Variants in COPG2 observed in about 807,000 individuals in gnomAD.
COPG2 encodes coatomer subunit gamma-2.
A neutral mutation model predicts 46.3 loss-of-function variants in COPG2; 37 were observed. That is an observed-to-expected ratio of 0.80 (90% CI 0.61 to 1.05). The LOEUF is 1.05. Ranked by LOEUF, COPG2 falls within the 50% of genes least tolerant of loss-of-function variation. COPG2 has a pLI of 0.00. For synonymous variants in COPG2, 159 were observed against 129.7 expected (o/e 1.23, Z -1.53); for missense variants, 427 against 387.8 (o/e 1.10, Z -0.85).
At chr7:130,662,832 T>C in intron 4 of COPG2, 135 bp downstream of exon 4, 1 of 643,414 alleles carries the variant, frequency 1.6e-6, no homozygotes, top group Non-Finnish European at 2.7e-6. Flanking sequence ...ATAATGAATA[T>C]TTATAAGTTT....
intron 3 of COPG2, among the ~76,000 whole-genome samples, chr7:130,665,319 A>G (rs781992078): frequency 9.2e-5 from 14 of 152,216 alleles, no homozygotes; most frequent in Non-Finnish European, 2.1e-4. Context: ...ATTGGAAACC[A>G]TGGTTATCTT....
intron 20 of COPG2, among the ~76,000 whole-genome samples, chr7:130,515,324 AAGAT>A (rs1799670134): frequency 6.6e-6 from 1 of 152,094 alleles, no homozygotes; most frequent in Non-Finnish European, 1.5e-5. Context: ...TCACAGGAGA[AAGAT>A]AGAGAGTGGG....
chr7:130,603,519 AG>A (rs1370233265), intron 9 of COPG2, among the ~76,000 whole-genome samples: 2 of 152,102 alleles, frequency 1.3e-5, no homozygotes, highest in African/African-American at 4.8e-5. Context: ...CAGAAGTTCA[AG>A]ACCAGCCTGG....
At chr7:130,566,563 G>A (rs1793806453) in intron 9 of COPG2, among the ~76,000 whole-genome samples, 1 of 152,210 alleles carries the variant, frequency 6.6e-6, no homozygotes, top group South Asian at 2.1e-4. Context: ...CTACAGCAAT[G>A]CAGGTTTTAT....
rs987221400 is a variant in COPG2, at chr7:130,510,834, C to G, written c.2150-2175G>C. 1.0e-5 allele frequency: 5 copies of G among 486,578 alleles called. No homozygotes were observed. The Admixed American group carries it at 1.1e-4, about 10-fold the overall frequency. The allele number at this position is 486,578 out of a possible 1,614,324, so 30.1% of individuals were successfully genotyped here. A position where few individuals can be genotyped will look rare whatever the true frequency, so the allele number is the denominator to read the frequency against. Reference sequence around the variant, plus strand: ...TGCTGGAGAGGATGACGAAATGGGGCGAGGAGGCAAGATGCGGGGGCCTTT... The same window carrying G: ...TGCTGGAGAGGATGACGAAATGGGGGGAGGAGGCAAGATGCGGGGGCCTTT... On this transcript the variant is annotated intron_variant, in intron 20 of 23. Coordinates refer to ENST00000425248, the MANE Select transcript of COPG2 (RefSeq NM_012133.6).
intron 9 of COPG2, among the ~76,000 whole-genome samples, chr7:130,573,949 T>G (rs1432656661): frequency 6.6e-6 from 1 of 152,142 alleles, no homozygotes; most frequent in Admixed American, 6.5e-5. Context: ...CTTTAAAAGT[T>G]AAACATAAAC....
At chr7:130,516,600 T>A in intron 20 of COPG2, among the ~76,000 whole-genome samples, 1 of 151,962 alleles carries the variant, frequency 6.6e-6, no homozygotes, top group Non-Finnish European at 1.5e-5. Context: ...AGAGAACGTG[T>A]GAATGAGGTA....
At chr7:130,583,989 A>G (rs1208475096) in intron 9 of COPG2, among the ~76,000 whole-genome samples, 2 of 151,662 alleles carry the variant, frequency 1.3e-5, no homozygotes, top group African/African-American at 4.8e-5. Flanking sequence ...TAATACCAAA[A>G]CCATGAAAGG....
intron 5 of COPG2, among the ~76,000 whole-genome samples, chr7:130,628,021 G>A (rs1430496132): frequency 1.3e-5 from 2 of 152,128 alleles, no homozygotes; most frequent in Non-Finnish European, 2.9e-5. Context: ...CTAACGAGAA[G>A]TCCATACATG....
At chr7:130,519,662 C>T (rs1786097342) in intron 20 of COPG2, among the ~76,000 whole-genome samples, 1 of 152,092 alleles carries the variant, frequency 6.6e-6, no homozygotes, top group South Asian at 2.1e-4. Context: ...TTTGAATAGT[C>T]ACAGATATTG....
intron 21 of COPG2, 100 bp downstream of exon 21, chr7:130,508,462 A>AAG: frequency 1.5e-6 from 1 of 649,228 alleles, no homozygotes; most frequent in Non-Finnish European, 2.8e-6. Context: ...GAAATCCCTT[A>AAG]AGTTTATGTC....
chr7:130,614,920 A>C (rs1470586479), intron 6 of COPG2, among the ~76,000 whole-genome samples: 1 of 152,192 alleles, frequency 6.6e-6, no homozygotes, highest in Non-Finnish European at 1.5e-5. Flanking sequence ...GAAAATCTTC[A>C]TTTACCCCAC....
At position 130,532,497 on chromosome 7, in the gene COPG2, C is replaced by T. The variant is rs988512456; in HGVS notation, c.2149+15177G>A. The stretch of plus-strand genomic sequence containing the variant: ...GACTGACAGGAGCACCCAGGTGGAG[C>T]GGAGGAGCCGGGTCTCAGGCAGGGC... On this transcript the variant is annotated intron_variant, in intron 20 of 23. Coordinates refer to ENST00000425248, the MANE Select transcript of COPG2 (RefSeq NM_012133.6). Among the ~76,000 whole-genome samples the T allele has an allele frequency of 6.3e-4, 96 of 151,556 alleles. 1 individual carries two copies. Among genetic ancestry groups the T allele is most frequent in the African/African-American group, 2.2e-3 (92 of 41,276 alleles).
At chr7:130,646,486 G>T (rs1554458205) in intron 5 of COPG2, among the ~76,000 whole-genome samples, 1 of 152,126 alleles carries the variant, frequency 6.6e-6, no homozygotes, top group Non-Finnish European at 1.5e-5. Flanking sequence ...CTCTGAAATG[G>T]ATTATTTTCA....
In COPG2 at chr7:130,597,839, A is replaced by ATCTGAC. The variant is rs560726632; in HGVS notation, c.737+13108_737+13113dup. On this transcript the variant is annotated intron_variant, in intron 9 of 23. Coordinates refer to ENST00000425248, the MANE Select transcript of COPG2 (RefSeq NM_012133.6). ...GGACATACTTTATTAGTCTATCAGC[A>ATCTGAC]TCTGACATCAGGAGGAACATGAGGA... Among the ~76,000 whole-genome samples the ATCTGAC allele has an allele frequency of 4.4e-3, 667 of 152,356 alleles. 6 individuals carry two copies. Among genetic ancestry groups the ATCTGAC allele is most frequent in the African/African-American group, 0.015 (640 of 41,574 alleles).
rs1394079959 is a variant in COPG2 at position 130,554,429 on chromosome 7, TTAAG to T, written c.1468+48_1468+51del. On this transcript the variant is annotated intron_variant, in intron 14 of 23. Coordinates refer to ENST00000425248, the MANE Select transcript of COPG2 (RefSeq NM_012133.6). ...ATTTTCCAATTTCATTATCACTCTC[TTAAG>T]TATTTCAAAAGATCAGCATCGTCAA... The T allele has an allele frequency of 7.5e-6, 3 of 398,140 alleles. No homozygotes were observed. In the East Asian group the frequency reaches 1.1e-4, roughly 14 times the overall value. 24.7% of individuals were successfully genotyped at this position (398,140 alleles called of 1,614,324 possible).
At chr7:130,646,945 ATATATATATATGCATATATATATGTG>A (rs1795608719) in intron 5 of COPG2, among the ~76,000 whole-genome samples, 1 of 101,390 alleles carries the variant, frequency 9.9e-6, no homozygotes. Flanking sequence ...ATATATACGT[ATATATATATATGCATATATATATGTG>A]TATATATATA....
At chr7:130,583,814 A>G (rs1794208687) in intron 9 of COPG2, among the ~76,000 whole-genome samples, 1 of 145,118 alleles carries the variant, frequency 6.9e-6, no homozygotes, top group African/African-American at 2.5e-5. Flanking sequence ...TCAAAAAAAA[A>G]AAAAAAAAAA....
chr7:130,622,146 T>C (rs1795050522), intron 5 of COPG2, among the ~76,000 whole-genome samples: 1 of 151,436 alleles, frequency 6.6e-6, no homozygotes, highest in African/African-American at 2.4e-5. Flanking sequence ...GGGAAGGAGG[T>C]AAAAACAATA....
Sources: allele counts gnomAD v4.1 joint callset (sites outside exome capture counted in the v4.1 genomes callset), GRCh38; gene constraint gnomAD v4.1.1; transcripts MANE v1.5; gene names NCBI Gene and HGNC (gene_info 2026-07-23, HGNC 2026-07-21).